The following RBFOX3 variants were observed in gnomAD, a reference collection of about 807,000 sequenced individuals.
RBFOX3 encodes RNA binding protein fox-1 homolog 3.
Under a neutral mutation model 48.7 loss-of-function variants are expected in RBFOX3, and 17 were observed. The observed-to-expected ratio is 0.35, with a 90% CI of 0.24 to 0.52. The LOEUF (loss-of-function observed/expected upper bound fraction) is 0.52, where lower values mean the gene tolerates loss of function less well. RBFOX3 is among the 20% of genes least tolerant of loss of function. The probability of loss-of-function intolerance (pLI) is 0.94; values close to 1 mark genes in which losing one functional copy is unlikely to be tolerated. For missense variants in RBFOX3, 382 were observed against 497.5 expected (o/e 0.77, Z 2.21); for synonymous variants, 212 against 209.5 (o/e 1.01, Z -0.10).
intron 3 of RBFOX3, among the ~76,000 whole-genome samples, chr17:79,278,632 C>T (rs984320860): frequency 2.6e-5 from 4 of 152,348 alleles, no homozygotes; most frequent in Non-Finnish European, 5.9e-5. Flanking sequence ...TGGAGATCTG[C>T]CCTGCCAGCG....
chr17:79,527,238 G>A (rs1435678015), intron 1 of RBFOX3, among the ~76,000 whole-genome samples: 7 of 152,252 alleles, frequency 4.6e-5, no homozygotes, highest in African/African-American at 1.7e-4. Context: ...CCTCTTCCCT[G>A]CCAGGAGCTT....
Position 79,115,515 on chromosome 17 carries a change from G to T in RBFOX3, c.201C>A (p.Ile67=). ...QPGSEASTQP[I]AGTQTVPQTD... ...TTACCGGCACTGTCTGGGTCCCGGCGATGGGCTGTGTGCTGGCCTCGGAGC... is the reference window on the plus strand; with the variant it reads ...TTACCGGCACTGTCTGGGTCCCGGCTATGGGCTGTGTGCTGGCCTCGGAGC... Residue 67 remains isoleucine (I), a synonymous_variant, in exon 5 of 15, where the codon ATC becomes ATA. Coordinates refer to ENST00000693108, the MANE Select transcript of RBFOX3 (RefSeq NM_001350451.2). 1 of 1,337,268 alleles carries T rather than the reference G, an allele frequency of 7.5e-7. No homozygotes were observed. The allele number at this position is 1,337,268 out of a possible 1,614,324, so 82.8% of individuals were successfully genotyped here.
At chr17:79,309,566 G>T (rs545010208) in intron 2 of RBFOX3, among the ~76,000 whole-genome samples, 1 of 152,160 alleles carries the variant, frequency 6.6e-6, no homozygotes, top group Admixed American at 6.5e-5. Context: ...CCCAACCATC[G>T]TATGGGAAGC....
At chr17:79,094,286 G>A (rs1453682321) in intron 14 of RBFOX3, 165 bp downstream of exon 14, 3 of 510,038 alleles carry the variant, frequency 5.9e-6, no homozygotes, top group East Asian at 7.0e-5. Context: ...GGGCGTGAGG[G>A]GCCAGCCCTC....
At chr17:79,558,602 G>T (rs2091951752) in intron 1 of RBFOX3, among the ~76,000 whole-genome samples, 1 of 152,066 alleles carries the variant, frequency 6.6e-6, no homozygotes, top group African/African-American at 2.4e-5. Context: ...CTCCCGGCCG[G>T]GCTCCATGCA....
intron 1 of RBFOX3, among the ~76,000 whole-genome samples, chr17:79,561,944 G>A (rs1293638617): frequency 2.0e-5 from 3 of 152,152 alleles, no homozygotes; most frequent in Non-Finnish European, 2.9e-5. Flanking sequence ...ACTGCTGGGT[G>A]GGCAGCAGAA....
At chr17:79,245,619 G>A (rs1354797487) in intron 3 of RBFOX3, among the ~76,000 whole-genome samples, 2 of 138,778 alleles carry the variant, frequency 1.4e-5, no homozygotes, top group African/African-American at 5.6e-5. Flanking sequence ...GTCTGTAGGT[G>A]AACATTTGGA....
chr17:79,491,503 C>T (rs1019724646), intron 1 of RBFOX3, among the ~76,000 whole-genome samples: 10 of 152,002 alleles, frequency 6.6e-5, no homozygotes, highest in Admixed American at 4.6e-4. Flanking sequence ...CAATGGCCTA[C>T]GGAAGGGCGG....
chr17:79,453,977 G>A (rs2074027288), intron 2 of RBFOX3, among the ~76,000 whole-genome samples: 3 of 152,176 alleles, frequency 2.0e-5, no homozygotes, highest in Admixed American at 2.0e-4. Flanking sequence ...GCGGTGCTAG[G>A]TGCCATGTGC....
At chr17:79,610,205 C>CA in intron 1 of RBFOX3, among the ~76,000 whole-genome samples, 1 of 152,186 alleles carries the variant, frequency 6.6e-6, no homozygotes, top group South Asian at 2.1e-4. Context: ...TTCCTCCCCA[C>CA]AACTCCTTTG....
At chr17:79,141,408 A>G (rs1395505888) in intron 4 of RBFOX3, among the ~76,000 whole-genome samples, 1 of 152,224 alleles carries the variant, frequency 6.6e-6, no homozygotes, top group Non-Finnish European at 1.5e-5. Context: ...GGCCCTGCCT[A>G]GGGCTCCGGG....
chr17:79,313,242 G>A (rs1427840858), intron 2 of RBFOX3, among the ~76,000 whole-genome samples: 1 of 152,308 alleles, frequency 6.6e-6, no homozygotes, highest in South Asian at 2.1e-4. Context: ...CAAAGGGGTA[G>A]GGCAGGCAGG....
At chr17:79,651,748 C>CCTTT in the RBFOX3 span, among the ~76,000 whole-genome samples, 1 of 112,510 alleles carries the variant, frequency 8.9e-6, no homozygotes, top group Non-Finnish European at 1.8e-5. Flanking sequence ...TCTCTCTCTG[C>CCTTT]CTTTCTCTCT....
chr17:79,354,277 C>T (rs374779474), intron 2 of RBFOX3, among the ~76,000 whole-genome samples: 170 of 152,302 alleles, frequency 1.1e-3, no homozygotes, highest in African/African-American at 3.7e-3. Context: ...TCATGCATGG[C>T]GGTGTCACCG....
At chr17:79,403,834 C>G (rs561865126) in intron 2 of RBFOX3, among the ~76,000 whole-genome samples, 1 of 138,782 alleles carries the variant, frequency 7.2e-6, no homozygotes, top group South Asian at 2.3e-4. Context: ...CCCAGGAGTA[C>G]AGTGGCGCGA....
At chr17:79,408,390 C>T (rs917691019) in intron 2 of RBFOX3, among the ~76,000 whole-genome samples, 2 of 152,260 alleles carry the variant, frequency 1.3e-5, no homozygotes, top group Non-Finnish European at 2.9e-5. Context: ...CAGAATCAGC[C>T]GAAGAACTTA....
chr17:79,271,948 C>T lies in RBFOX3; in HGVS notation c.-74+35776G>A, dbSNP rs566497618. On this transcript the variant is annotated intron_variant, in intron 3 of 14. Transcript: ENST00000693108. ...ACACCAGCAGCCGGCCACAGAGGGC[C>T]GGCCAGTTATTCAGCACTGAGCTGG... 6.6e-5 allele frequency among the ~76,000 whole-genome samples: 10 copies of T among 152,334 alleles called. No homozygotes were observed. The East Asian group carries it at 7.7e-4, about 12-fold the overall frequency.
intron 2 of RBFOX3, among the ~76,000 whole-genome samples, chr17:79,437,683 C>A (rs1294538839): frequency 6.6e-6 from 1 of 152,220 alleles, no homozygotes; most frequent in Non-Finnish European, 1.5e-5. Flanking sequence ...AGTCAGGAAA[C>A]CCCATTCCCA....
At chr17:79,560,542 C>G (rs1328993065) in intron 1 of RBFOX3, among the ~76,000 whole-genome samples, 1 of 152,180 alleles carries the variant, frequency 6.6e-6, no homozygotes, top group African/African-American at 2.4e-5. Context: ...CTACTGCCCA[C>G]CCGACCATGG....
Sources: allele counts gnomAD v4.1 joint callset (sites outside exome capture counted in the v4.1 genomes callset), GRCh38; gene constraint gnomAD v4.1.1; transcripts MANE v1.5; gene names NCBI Gene and HGNC (gene_info 2026-07-23, HGNC 2026-07-21).